The following LRBA variants were observed in gnomAD, a reference collection of about 807,000 sequenced individuals.
LRBA encodes lipopolysaccharide-responsive and beige-like anchor protein.
LRBA carries 176 observed loss-of-function variants against 330.0 expected under a neutral mutation model. That is an observed-to-expected ratio of 0.53 (90% CI 0.47 to 0.60). The LOEUF (loss-of-function observed/expected upper bound fraction) is 0.60, where lower values mean the gene tolerates loss of function less well. Ranked by LOEUF, LRBA falls within the 20% of genes least tolerant of loss-of-function variation. The pLI is 0.00. For missense variants in LRBA, 3,259 were observed against 3,444.8 expected (o/e 0.95, Z 1.35); for synonymous variants, 1,230 against 1,193.0 (o/e 1.03, Z -0.64).
chr4:150,286,551 C>G (rs923757052), intron 53 of LRBA, among the ~76,000 whole-genome samples: 1 of 151,938 alleles, frequency 6.6e-6, no homozygotes, highest in Non-Finnish European at 1.5e-5. Flanking sequence ...ATGTATTTTT[C>G]TGATATATAA....
intron 40 of LRBA, among the ~76,000 whole-genome samples, chr4:150,585,007 A>G (rs1771918076): frequency 6.6e-6 from 1 of 152,334 alleles, no homozygotes; most frequent in South Asian, 2.1e-4. Context: ...TTAAAATAGA[A>G]AAAACTTTTT....
At chr4:150,302,497 A>T (rs1167112821) in intron 53 of LRBA, 128 bp downstream of exon 53, 4 of 492,184 alleles carry the variant, frequency 8.1e-6, no homozygotes. Context: ...ATCATTCTTA[A>T]ATTATAATAA....
chr4:150,804,264 T>C (rs994266338), intron 33 of LRBA, among the ~76,000 whole-genome samples: 1 of 152,216 alleles, frequency 6.6e-6, no homozygotes, highest in Admixed American at 6.5e-5. Flanking sequence ...TAAGTACTTC[T>C]AAAATCTGAA....
chr4:150,488,746 A>T (rs1269888810), intron 41 of LRBA, among the ~76,000 whole-genome samples: 2 of 100,942 alleles, frequency 2.0e-5, no homozygotes, highest in Non-Finnish European at 4.9e-5. Flanking sequence ...CCTTAAAAAA[A>T]TATTTAAAGC....
chr4:150,516,348 C>T (rs1762362328), intron 40 of LRBA, among the ~76,000 whole-genome samples: 1 of 147,570 alleles, frequency 6.8e-6, no homozygotes, highest in African/African-American at 2.5e-5. Context: ...CACACAGTTA[C>T]CTTTCTATTG....
At chr4:150,855,525 T>A (rs1440751151) in intron 22 of LRBA, among the ~76,000 whole-genome samples, 1 of 152,304 alleles carries the variant, frequency 6.6e-6, no homozygotes, top group East Asian at 1.9e-4. Context: ...AACATGAGTA[T>A]ATGTAATTTA....
intron 40 of LRBA, among the ~76,000 whole-genome samples, chr4:150,510,227 A>G (rs1288976336): frequency 6.6e-6 from 1 of 152,228 alleles, no homozygotes; most frequent in Admixed American, 6.5e-5. Flanking sequence ...AAAGAAGTTA[A>G]ATTTGTAGTT....
At chr4:150,398,394 G>A (rs1745034767) in intron 47 of LRBA, among the ~76,000 whole-genome samples, 1 of 152,148 alleles carries the variant, frequency 6.6e-6, no homozygotes, top group African/African-American at 2.4e-5. Flanking sequence ...TGGACAAAAA[G>A]TGGTCCTTAC....
At chr4:150,323,234 A>C (rs1581011080) in intron 49 of LRBA, among the ~76,000 whole-genome samples, 2 of 152,246 alleles carry the variant, frequency 1.3e-5, no homozygotes, top group South Asian at 4.1e-4. Context: ...AATTTTAAAG[A>C]AGTCCTGGGA....
At chr4:150,488,368 T>C (rs985652561) in intron 41 of LRBA, among the ~76,000 whole-genome samples, 1 of 151,668 alleles carries the variant, frequency 6.6e-6, no homozygotes, top group African/African-American at 2.4e-5. Context: ...TCTATATGTT[T>C]ATCTTTCATA....
At chr4:150,918,503 C>T (rs1732890280) in intron 5 of LRBA, among the ~76,000 whole-genome samples, 1 of 152,152 alleles carries the variant, frequency 6.6e-6, no homozygotes, top group Admixed American at 6.5e-5. Flanking sequence ...AATCCCAGCA[C>T]TTTGGGAGGC....
intron 48 of LRBA, among the ~76,000 whole-genome samples, chr4:150,349,319 A>G (rs1736827391): frequency 6.6e-6 from 1 of 152,184 alleles, no homozygotes; most frequent in African/African-American, 2.4e-5. Flanking sequence ...GTTGTGTTCT[A>G]AAATTGTACA....
At chr4:150,591,621 A>G (rs773597450) in intron 38 of LRBA, among the ~76,000 whole-genome samples, 8 of 152,144 alleles carry the variant, frequency 5.3e-5, no homozygotes, top group Non-Finnish European at 1.0e-4. Flanking sequence ...GGGGGCAAAC[A>G]TAACAGAAAG....
chr4:150,483,438 C>G (rs1284987654), intron 42 of LRBA, among the ~76,000 whole-genome samples: 8 of 151,220 alleles, frequency 5.3e-5, no homozygotes, highest in Non-Finnish European at 1.0e-4. Context: ...TTAAACTATT[C>G]TGGATATTTA....
At chr4:150,491,491 T>C (rs1758932634) in intron 40 of LRBA, among the ~76,000 whole-genome samples, 1 of 152,096 alleles carries the variant, frequency 6.6e-6, no homozygotes, top group East Asian at 1.9e-4. Flanking sequence ...ATAATACAAA[T>C]ATATTAAGTT....
At chr4:150,374,916 G>A (rs192686681) in intron 47 of LRBA, among the ~76,000 whole-genome samples, 16 of 152,218 alleles carry the variant, frequency 1.1e-4, no homozygotes, top group Admixed American at 2.6e-4. Context: ...CTCAGTGTAC[G>A]GTCAGGGTCC....
chr4:150,675,421 A>G (rs1782442303), intron 37 of LRBA, among the ~76,000 whole-genome samples: 1 of 152,126 alleles, frequency 6.6e-6, no homozygotes, highest in Non-Finnish European at 1.5e-5. Flanking sequence ...AATCCTTATA[A>G]AAATACTTGG....
chr4:150,489,071 T>TATAATATTATATAAGAATATACAA (rs1561249121), intron 41 of LRBA, among the ~76,000 whole-genome samples: 2 of 94,400 alleles, frequency 2.1e-5, no homozygotes, highest in African/African-American at 9.8e-5. Context: ...ATATAATATA[T>TATAATATTATATAAGAATATACAA]TATATATAAT....
At chr4:150,323,704 C>T (rs1732859638) in intron 49 of LRBA, among the ~76,000 whole-genome samples, 2 of 152,184 alleles carry the variant, frequency 1.3e-5, no homozygotes, top group Non-Finnish European at 2.9e-5. Context: ...CTCTCTTGGG[C>T]GTTTCATCAT....
Sources: gnomAD v4.1 joint callset for allele counts (sites outside exome capture counted in the v4.1 genomes callset) on GRCh38, gnomAD v4.1.1 for gene constraint, MANE v1.5 for transcripts, NCBI Gene and HGNC (gene_info 2026-07-23, HGNC 2026-07-21) for gene names.